ADGRV1: variants seen among roughly 807,000 people sequenced by gnomAD.
ADGRV1 encodes the protein G-protein coupled receptor 98.
In ADGRV1, 359 loss-of-function variants were observed where a neutral mutation model predicts 596.2. The observed-to-expected ratio is 0.60, with a 90% confidence interval of 0.55 to 0.66. ADGRV1 has a LOEUF of 0.66. Among genes scored for constraint, ADGRV1 ranks in the 30% least tolerant of loss-of-function variants. The probability of loss-of-function intolerance (pLI) is 0.00; values close to 1 mark genes in which losing one functional copy is unlikely to be tolerated. For missense variants in ADGRV1, 7,274 were observed against 7,575.6 expected (o/e 0.96, Z 1.48); for synonymous variants, 2,681 against 2,679.2 (o/e 1.00, Z -0.02).
At chr5:90,680,344 G>A (rs1387896228) in intron 26 of ADGRV1, among the ~76,000 whole-genome samples, 1 of 148,926 alleles carries the variant, frequency 6.7e-6, no homozygotes, top group Non-Finnish European at 1.5e-5. Flanking sequence ...GACAGAGCAA[G>A]ACTCTGTATC....
At chr5:91,126,007 C>G (rs1793718188) in intron 87 of ADGRV1, among the ~76,000 whole-genome samples, 1 of 152,184 alleles carries the variant, frequency 6.6e-6, no homozygotes, top group Non-Finnish European at 1.5e-5. Flanking sequence ...CATGCCCACT[C>G]TAGTTTATAG....
chr5:90,778,109 G>T (rs534746984), intron 62 of ADGRV1, 66 bp downstream of exon 62: 5 of 1,468,414 alleles, frequency 3.4e-6, no homozygotes, highest in African/African-American at 2.8e-5. Flanking sequence ...ACATGTGTGA[G>T]CATATGTGTA....
At position 90,891,272 on chromosome 5, in the gene ADGRV1, T is replaced by G. The variant is rs185863929; in HGVS notation, c.17856+27415T>G. 1.7e-3 allele frequency among the ~76,000 whole-genome samples: 263 copies of G among 150,750 alleles called. 2 individuals carry two copies. The highest frequency in any genetic ancestry group is 6.2e-3 in the African/African-American group (255 of 41,304). On this transcript the variant is annotated intron_variant, in intron 83 of 89. Coordinates refer to ENST00000405460, the MANE Select transcript of ADGRV1 (RefSeq NM_032119.4). ...TATTTCTCACTCTTTGTGTGTGTGTTGGAGTTAGCAATAGATGTGTGTATT... is the reference window on the plus strand; with the variant it reads ...TATTTCTCACTCTTTGTGTGTGTGTGGGAGTTAGCAATAGATGTGTGTATT...
At chr5:90,675,501 C>A in intron 24 of ADGRV1, 56 bp downstream of exon 24, 1 of 1,474,224 alleles carries the variant, frequency 6.8e-7, no homozygotes, top group Non-Finnish European at 9.3e-7. Flanking sequence ...AGACATAATC[C>A]TTCTCTGGAA....
At chr5:90,576,886 T>C (rs373415659) in intron 1 of ADGRV1, among the ~76,000 whole-genome samples, 1 of 152,256 alleles carries the variant, frequency 6.6e-6, no homozygotes, top group Admixed American at 6.5e-5. Context: ...CATTTTTTCA[T>C]GTGTCTGTTG....
chr5:90,963,034 G>A (rs1778163758), intron 83 of ADGRV1, among the ~76,000 whole-genome samples: 1 of 152,030 alleles, frequency 6.6e-6, no homozygotes, highest in African/African-American at 2.4e-5. Context: ...ATTATAATTT[G>A]GATTACACTA....
intron 83 of ADGRV1, among the ~76,000 whole-genome samples, chr5:90,865,554 TA>T (rs1298026026): frequency 6.6e-6 from 1 of 152,164 alleles, no homozygotes; most frequent in African/African-American, 2.4e-5. Flanking sequence ...TTTTTCAGTA[TA>T]TTTTTAGAAT....
chr5:90,891,587 T>A (rs1770829032), intron 83 of ADGRV1, among the ~76,000 whole-genome samples: 1 of 151,872 alleles, frequency 6.6e-6, no homozygotes, highest in African/African-American at 2.4e-5. Flanking sequence ...TCTCATCAAT[T>A]ATGGTGTGAT....
At chr5:91,053,746 A>G (rs1786561656) in intron 85 of ADGRV1, among the ~76,000 whole-genome samples, 1 of 152,036 alleles carries the variant, frequency 6.6e-6, no homozygotes, top group South Asian at 2.1e-4. Context: ...CTCCAGCCAA[A>G]CTCCAGGTGG....
rs145510569 is a variant in ADGRV1 at position 90,574,720 on chromosome 5, A to T, written c.22+15803A>T. On this transcript the variant is annotated intron_variant, in intron 1 of 89. Coordinates refer to ENST00000405460, the MANE Select transcript of ADGRV1 (RefSeq NM_032119.4). ...CAGCTGTGAATCCATCTGGTCCAGGATATGTTTTGGTTGTTAGGTTCCTTA... is the reference window on the plus strand; with the variant it reads ...CAGCTGTGAATCCATCTGGTCCAGGTTATGTTTTGGTTGTTAGGTTCCTTA... Among the ~76,000 whole-genome samples, 62 of 152,152 alleles carry T rather than the reference A, an allele frequency of 4.1e-4. 1 individual carries two copies. In the East Asian group the frequency reaches 7.0e-3, roughly 17 times the overall value.
chr5:90,603,033 A>T (rs142049009), intron 1 of ADGRV1, among the ~76,000 whole-genome samples: 350 of 152,334 alleles, frequency 2.3e-3, no homozygotes, highest in African/African-American at 8.2e-3. Flanking sequence ...GATGAAATAC[A>T]AACTTTTTTT....
rs753742491 is a variant in ADGRV1 at position 90,720,237 on chromosome 5, A to T, written c.9623+14A>T. 1.5e-5 allele frequency: 22 copies of T among 1,482,832 alleles called. No individual in the cohort carries two copies. In the South Asian group the frequency reaches 3.1e-4, roughly 21 times the overall value. The allele number at this position is 1,482,832 out of a possible 1,614,324, so 91.9% of individuals were successfully genotyped here. ...AGTTGAAAATAGGTATAGTTTATTC[A>T]TAAGGAAATTATCACTTCTGAAGCT... On this transcript the variant is annotated intron_variant, in intron 44 of 89. Coordinates refer to ENST00000405460, the MANE Select transcript of ADGRV1 (RefSeq NM_032119.4).
In ADGRV1 at chr5:90,949,293, A is replaced by G. The variant is rs1163187102; in HGVS notation, c.17857-16122A>G. The stretch of plus-strand genomic sequence containing the variant: ...GATCTGGTTTGTGGGTCTATACTTT[A>G]TATGGGTCTGTGTGTAAACTTTAAC... On this transcript the variant is annotated intron_variant, in intron 83 of 89. Coordinates refer to ENST00000405460, the MANE Select transcript of ADGRV1 (RefSeq NM_032119.4). 2.0e-5 allele frequency among the ~76,000 whole-genome samples: 3 copies of G among 152,126 alleles called. No individual in the cohort carries two copies. In the East Asian group the frequency reaches 5.8e-4, roughly 29 times the overall value.
rs182396919 is a variant in ADGRV1 at position 90,686,701 on chromosome 5, A to G, written c.6490+706A>G. 2.0e-4 allele frequency among the ~76,000 whole-genome samples: 31 copies of G among 152,310 alleles called. 1 individual carries two copies. The highest frequency in any genetic ancestry group is 7.5e-4 in the African/African-American group (31 of 41,546). On this transcript the variant is annotated intron_variant, in intron 29 of 89. Coordinates refer to ENST00000405460, the MANE Select transcript of ADGRV1 (RefSeq NM_032119.4). ...CGTGTGCATGTGTCTTTATAGCTGC[A>G]TGATTTATAGTCCTTTGGGTATATA...
At chr5:90,943,011 T>C (rs925540759) in intron 83 of ADGRV1, among the ~76,000 whole-genome samples, 3 of 152,104 alleles carry the variant, frequency 2.0e-5, no homozygotes, top group Non-Finnish European at 4.4e-5. Flanking sequence ...AGGAAGACAT[T>C]TAAATAAGTA....
At chr5:90,936,823 G>A (rs1315378842) in intron 83 of ADGRV1, among the ~76,000 whole-genome samples, 1 of 151,770 alleles carries the variant, frequency 6.6e-6, no homozygotes, top group African/African-American at 2.4e-5. Flanking sequence ...TAAACATATG[G>A]TTTTTTTGCT....
chr5:90,685,443 G>A (rs980499063), intron 28 of ADGRV1, among the ~76,000 whole-genome samples: 1 of 151,788 alleles, frequency 6.6e-6, no homozygotes. Flanking sequence ...AAATTAGCCG[G>A]GCATGGCAGC....
At chr5:90,671,091 A>G (rs768557136) in intron 21 of ADGRV1, among the ~76,000 whole-genome samples, 7 of 152,206 alleles carry the variant, frequency 4.6e-5, no homozygotes, top group Non-Finnish European at 1.0e-4. Flanking sequence ...ACCCAGGCAC[A>G]GTGCTGGCTT....
chr5:91,027,656 AGT>A (rs1481965670), intron 85 of ADGRV1, among the ~76,000 whole-genome samples: 2 of 152,138 alleles, frequency 1.3e-5, no homozygotes, highest in African/African-American at 4.8e-5. Context: ...CTCCTGCTTT[AGT>A]GTACTATGCT....
Sources: allele counts gnomAD v4.1 joint callset (sites outside exome capture counted in the v4.1 genomes callset), GRCh38; gene constraint gnomAD v4.1.1; transcripts MANE v1.5; gene names NCBI Gene and HGNC (gene_info 2026-07-23, HGNC 2026-07-21).